Variants in MACROD2 observed in about 807,000 individuals in gnomAD.
MACROD2 encodes the protein ADP-ribose glycohydrolase MACROD2.
A neutral mutation model predicts 70.4 loss-of-function variants in MACROD2; 36 were observed. The ratio of observed to expected loss-of-function variants is 0.51; its 90% CI spans 0.39 to 0.68. MACROD2 has a LOEUF of 0.68. Among genes scored for constraint, MACROD2 ranks in the 30% least tolerant of loss-of-function variants. The pLI, the probability that MACROD2 is intolerant of heterozygous loss-of-function variation, is 0.00. For missense variants in MACROD2, 496 were observed against 538.4 expected (o/e 0.92, Z 0.78); for synonymous variants, 172 against 178.8 (o/e 0.96, Z 0.30).
At chr20:15,376,602 A>C (rs149602649) in intron 6 of MACROD2, among the ~76,000 whole-genome samples, 1 of 152,222 alleles carries the variant, frequency 6.6e-6, no homozygotes, top group Non-Finnish European at 1.5e-5. Context: ...GGACTGTGAG[A>C]AAACACTAAA....
intron 3 of MACROD2, among the ~76,000 whole-genome samples, chr20:14,440,209 T>G (rs1248836082): frequency 6.6e-6 from 1 of 152,216 alleles, no homozygotes; most frequent in East Asian, 1.9e-4. Context: ...TATAGGGTCT[T>G]GCAATGATTA....
chr20:14,893,922 C>T (rs1200256622), intron 5 of MACROD2: 1 of 151,718 alleles, frequency 6.6e-6, no homozygotes, highest in Non-Finnish European at 1.5e-5. Flanking sequence ...GTAGCTGGTA[C>T]CACAGGCTTG....
intron 15 of MACROD2, among the ~76,000 whole-genome samples, chr20:16,027,013 A>G (rs2067090319): frequency 6.6e-6 from 1 of 152,222 alleles, no homozygotes; most frequent in African/African-American, 2.4e-5. Flanking sequence ...TAAACCCAAC[A>G]AAGATCAAAG....
At chr20:15,553,128 A>G (rs2048121001) in intron 8 of MACROD2, among the ~76,000 whole-genome samples, 1 of 152,202 alleles carries the variant, frequency 6.6e-6, no homozygotes, top group Non-Finnish European at 1.5e-5. Flanking sequence ...TGGTAAATTT[A>G]TGTTATAAAT....
At chr20:14,434,971 T>A (rs988383288) in intron 3 of MACROD2, among the ~76,000 whole-genome samples, 1 of 152,108 alleles carries the variant, frequency 6.6e-6, no homozygotes, top group African/African-American at 2.4e-5. Context: ...CCACGTCAGT[T>A]TTCTTCCACA....
intron 4 of MACROD2, among the ~76,000 whole-genome samples, chr20:14,562,770 G>A (rs1308365292): frequency 1.3e-5 from 2 of 151,798 alleles, no homozygotes; most frequent in Non-Finnish European, 2.9e-5. Context: ...TTCCTGGGTT[G>A]TTTCCATCCT....
At chr20:14,100,475 G>T (rs902813575) in intron 3 of MACROD2, among the ~76,000 whole-genome samples, 23 of 149,368 alleles carry the variant, frequency 1.5e-4, no homozygotes, top group Admixed American at 6.0e-4. Flanking sequence ...CTATAACACT[G>T]ATGCATGTTT....
At chr20:14,514,632 A>G (rs1238893992) in intron 4 of MACROD2, among the ~76,000 whole-genome samples, 1 of 152,154 alleles carries the variant, frequency 6.6e-6, no homozygotes, top group Non-Finnish European at 1.5e-5. Flanking sequence ...AATACAGGGA[A>G]GAAGTCCTGC....
chr20:14,124,193 ACATTTTATTGAATGTTT>A (rs1220103859), intron 3 of MACROD2, among the ~76,000 whole-genome samples: 7 of 152,166 alleles, frequency 4.6e-5, no homozygotes, highest in African/African-American at 1.2e-4. Context: ...CCAATATATA[ACATTTTATTGAATGTTT>A]CTTGAAATTG....
At chr20:15,717,984 T>C (rs1333535195) in intron 8 of MACROD2, among the ~76,000 whole-genome samples, 1 of 151,800 alleles carries the variant, frequency 6.6e-6, no homozygotes, top group Non-Finnish European at 1.5e-5. Flanking sequence ...CCTCATAGCA[T>C]GTTAATGTCC....
intron 5 of MACROD2, among the ~76,000 whole-genome samples, chr20:15,042,513 T>C (rs532044875): frequency 2.6e-5 from 4 of 152,176 alleles, no homozygotes; most frequent in African/African-American, 4.8e-5. Flanking sequence ...GACAAGAGTA[T>C]TGGGGCCAAG....
chr20:15,699,499 G>A (rs1600776148), intron 8 of MACROD2, among the ~76,000 whole-genome samples: 3 of 152,272 alleles, frequency 2.0e-5, no homozygotes, highest in African/African-American at 7.2e-5. Flanking sequence ...AATGGAATCC[G>A]TGAGGGTCCT....
chr20:15,600,185 T>A (rs2048800110), intron 8 of MACROD2, among the ~76,000 whole-genome samples: 1 of 152,152 alleles, frequency 6.6e-6, no homozygotes, highest in South Asian at 2.1e-4. Flanking sequence ...GGCAGGCCTG[T>A]CTTTCTAGGT....
intron 6 of MACROD2, among the ~76,000 whole-genome samples, chr20:15,407,971 G>C (rs2146319667): frequency 6.6e-6 from 1 of 152,244 alleles, no homozygotes; most frequent in East Asian, 1.9e-4. Context: ...AAGTCTCTCA[G>C]CGCAGTGTCC....
chr20:15,047,474 C>A (rs2075404164), intron 5 of MACROD2, among the ~76,000 whole-genome samples: 1 of 152,144 alleles, frequency 6.6e-6, no homozygotes, highest in African/African-American at 2.4e-5. Flanking sequence ...TAGTATGATA[C>A]ACCCATATTT....
intron 6 of MACROD2, among the ~76,000 whole-genome samples, chr20:15,311,692 C>G (rs2077754466): frequency 6.6e-6 from 1 of 152,072 alleles, no homozygotes; most frequent in African/African-American, 2.4e-5. Flanking sequence ...TACAGAAAAC[C>G]AAATACTGCA....
intron 3 of MACROD2, among the ~76,000 whole-genome samples, chr20:14,311,303 T>G (rs1488916953): frequency 1.3e-5 from 2 of 152,178 alleles, no homozygotes; most frequent in Non-Finnish European, 2.9e-5. Context: ...CAAATACCAC[T>G]GTGTTACAAT....
chr20:15,732,183 G>T (rs2050954200), intron 8 of MACROD2, among the ~76,000 whole-genome samples: 1 of 151,934 alleles, frequency 6.6e-6, no homozygotes, highest in South Asian at 2.1e-4. Context: ...GATTGCTGGT[G>T]TCCATGTGTG....
intron 6 of MACROD2, among the ~76,000 whole-genome samples, chr20:15,323,644 C>T (rs1423365339): frequency 6.6e-6 from 1 of 152,148 alleles, no homozygotes; most frequent in Non-Finnish European, 1.5e-5. Flanking sequence ...TTTCTTTTCC[C>T]ACACCCCTCC....
Sources: allele counts gnomAD v4.1 joint callset (sites outside exome capture counted in the v4.1 genomes callset), GRCh38; gene constraint gnomAD v4.1.1; transcripts MANE v1.5; gene names NCBI Gene and HGNC (gene_info 2026-07-23, HGNC 2026-07-21).